COL23A1: variants seen among roughly 807,000 people sequenced by gnomAD.
COL23A1 encodes collagen alpha-1(XXIII) chain.
Under a neutral mutation model 99.3 loss-of-function variants are expected in COL23A1, and 97 were observed. The observed-to-expected ratio is 0.98, with a 90% CI of 0.83 to 1.16. The LOEUF (loss-of-function observed/expected upper bound fraction) is 1.16, where lower values mean the gene tolerates loss of function less well. COL23A1 is among the 50% of genes most tolerant of loss of function. The pLI, the probability that COL23A1 is intolerant of heterozygous loss-of-function variation, is 0.00. For missense variants in COL23A1, 762 were observed against 757.4 expected (o/e 1.01, Z -0.07); for synonymous variants, 320 against 308.2 (o/e 1.04, Z -0.40).
chr5:178,302,771 C>A (rs867901631), intron 3 of COL23A1, among the ~76,000 whole-genome samples: 1 of 152,186 alleles, frequency 6.6e-6, no homozygotes, highest in South Asian at 2.1e-4. Flanking sequence ...ACAATTGCTG[C>A]TGATTATTTT....
chr5:178,461,516 G>A (rs139513684), intron 2 of COL23A1, among the ~76,000 whole-genome samples: 1 of 152,364 alleles, frequency 6.6e-6, no homozygotes, highest in African/African-American at 2.4e-5. Context: ...CCCTCTGAAA[G>A]TACAAACCAT....
At chr5:178,389,304 C>T (rs1294976003) in intron 2 of COL23A1, among the ~76,000 whole-genome samples, 1 of 152,172 alleles carries the variant, frequency 6.6e-6, no homozygotes, top group Non-Finnish European at 1.5e-5. Flanking sequence ...TCCAGGAAGC[C>T]CTCTCCCATT....
chr5:178,382,289 G>A (rs1763424558), intron 2 of COL23A1, among the ~76,000 whole-genome samples: 2 of 152,184 alleles, frequency 1.3e-5, no homozygotes, highest in Non-Finnish European at 2.9e-5. Context: ...GGGTGGTAAG[G>A]GTGGGTCAAC....
chr5:178,480,479 C>T lies in COL23A1; in HGVS notation c.361+80203G>A, dbSNP rs551899660. ...GTGCACCTCCCACCCGCAAGCCCAT[C>T]CCAAGATCCCACTAACACCATTGCA... On this transcript the variant is annotated intron_variant, in intron 2 of 28. Transcript: ENST00000390654. Among the ~76,000 whole-genome samples, 295 of 152,342 alleles carry T rather than the reference C, an allele frequency of 1.9e-3. 1 individual carries two copies. The highest frequency in any genetic ancestry group is 6.6e-3 in the African/African-American group (276 of 41,584).
intron 5 of COL23A1, among the ~76,000 whole-genome samples, chr5:178,277,887 G>GA (rs1339894288): frequency 1.3e-5 from 2 of 152,240 alleles, no homozygotes; most frequent in African/African-American, 4.8e-5. Context: ...TGGCAGAGAG[G>GA]AAAGAGCTTG....
chr5:178,554,894 G>A (rs1762186443), intron 2 of COL23A1, among the ~76,000 whole-genome samples: 2 of 152,166 alleles, frequency 1.3e-5, no homozygotes, highest in Admixed American at 6.5e-5. Flanking sequence ...AAAGCACGAA[G>A]TTCCAAGATT....
At chr5:178,423,185 A>G (rs960400966) in intron 2 of COL23A1, among the ~76,000 whole-genome samples, 3 of 151,826 alleles carry the variant, frequency 2.0e-5, no homozygotes, top group African/African-American at 4.8e-5. Flanking sequence ...GGGTCTCACT[A>G]TGTTGCCCAG....
At chr5:178,409,489 A>AGT (rs34824661) in intron 2 of COL23A1, among the ~76,000 whole-genome samples, 53,979 of 151,308 alleles carry the variant, frequency 0.36, 10,486 homozygotes, top group East Asian at 0.47. Context: ...TATTTACACT[A>AGT]GTGTGTGTGT....
intron 3 of COL23A1, among the ~76,000 whole-genome samples, chr5:178,305,839 T>C (rs1190042657): frequency 6.6e-6 from 1 of 151,784 alleles, no homozygotes; most frequent in Admixed American, 6.6e-5. Context: ...AGGAGGCTCA[T>C]GGGGACTTGG....
intron 2 of COL23A1, among the ~76,000 whole-genome samples, chr5:178,507,612 G>A (rs996044070): frequency 1.3e-5 from 2 of 152,186 alleles, no homozygotes; most frequent in African/African-American, 2.4e-5. Context: ...ATTCTAGGTT[G>A]ATAGTTCTTT....
At chr5:178,370,233 G>A (rs1179603354) in intron 2 of COL23A1, among the ~76,000 whole-genome samples, 3 of 152,224 alleles carry the variant, frequency 2.0e-5, no homozygotes, top group Admixed American at 1.3e-4. Context: ...AAGCCAGGCC[G>A]CTGGCCTGCA....
At chr5:178,337,321 T>C (rs1426417849) in intron 2 of COL23A1, among the ~76,000 whole-genome samples, 1 of 152,208 alleles carries the variant, frequency 6.6e-6, no homozygotes, top group Non-Finnish European at 1.5e-5. Flanking sequence ...GGAGCAGAGG[T>C]TCCCGTGGGA....
At chr5:178,489,180 C>T (rs1371213351) in intron 2 of COL23A1, among the ~76,000 whole-genome samples, 3 of 152,214 alleles carry the variant, frequency 2.0e-5, no homozygotes, top group East Asian at 3.9e-4. Context: ...CACCACCCAA[C>T]GGCTGGGGGC....
chr5:178,563,733 T>C (rs896941757), intron 1 of COL23A1, among the ~76,000 whole-genome samples: 5 of 151,988 alleles, frequency 3.3e-5, no homozygotes, highest in Non-Finnish European at 7.4e-5. Context: ...GGTTTCACTA[T>C]GTTGCCCAGG....
chr5:178,292,913 G>C (rs1334114429), intron 3 of COL23A1, among the ~76,000 whole-genome samples: 1 of 152,168 alleles, frequency 6.6e-6, no homozygotes, highest in African/African-American at 2.4e-5. Context: ...GTCTCAGGAG[G>C]GAGTGATCGC....
chr5:178,498,722 T>C (rs1758366468), intron 2 of COL23A1, among the ~76,000 whole-genome samples: 1 of 152,286 alleles, frequency 6.6e-6, no homozygotes, highest in South Asian at 2.1e-4. Flanking sequence ...GATTGACAAT[T>C]GGATGATTAA....
intron 2 of COL23A1, among the ~76,000 whole-genome samples, chr5:178,462,935 G>A (rs889598881): frequency 6.6e-6 from 1 of 152,252 alleles, no homozygotes; most frequent in African/African-American, 2.4e-5. Flanking sequence ...GAGAGAAACA[G>A]GAAGGCGGCG....
At chr5:178,342,419 G>A (rs942958865) in intron 2 of COL23A1, among the ~76,000 whole-genome samples, 12 of 152,198 alleles carry the variant, frequency 7.9e-5, no homozygotes, top group Middle Eastern at 3.2e-3. Context: ...TCACTCATCC[G>A]AAGGTGGCCT....
intron 2 of COL23A1, among the ~76,000 whole-genome samples, chr5:178,519,208 C>A (rs940474613): frequency 6.6e-6 from 1 of 152,254 alleles, no homozygotes; most frequent in Non-Finnish European, 1.5e-5. Context: ...CCTCTCTGCC[C>A]GCAGCCCCAT....
Sources: gnomAD v4.1 joint callset for allele counts (sites outside exome capture counted in the v4.1 genomes callset) on GRCh38, gnomAD v4.1.1 for gene constraint, MANE v1.5 for transcripts, NCBI Gene and HGNC (gene_info 2026-07-23, HGNC 2026-07-21) for gene names.